Variants in ANO4 observed in about 807,000 individuals in gnomAD.
The protein encoded by ANO4 is anoctamin-4.
Under a neutral mutation model 141.9 loss-of-function variants are expected in ANO4, and 69 were observed. That is an observed-to-expected ratio of 0.49 (90% CI 0.40 to 0.59). The LOEUF is 0.59. Among genes scored for constraint, ANO4 ranks in the 20% least tolerant of loss-of-function variants. The pLI is 0.00. For synonymous variants in ANO4, 350 were observed against 394.3 expected (o/e 0.89, Z 1.33); for missense variants, 894 against 1,162.2 (o/e 0.77, Z 3.36).
At chr12:101,026,038 C>A (rs1355239607) in intron 9 of ANO4, among the ~76,000 whole-genome samples, 1 of 152,082 alleles carries the variant, frequency 6.6e-6, no homozygotes, top group Non-Finnish European at 1.5e-5. Context: ...TCTGCACTTG[C>A]CACTTGTATT....
intron 1 of ANO4, among the ~76,000 whole-genome samples, chr12:100,732,199 A>G (rs1407806824): frequency 6.6e-6 from 1 of 152,192 alleles, no homozygotes; most frequent in Non-Finnish European, 1.5e-5. Flanking sequence ...ACCATTTTGT[A>G]TTCTCACCAG....
chr12:101,127,374 C>G (rs1263082139), intron 27 of ANO4, among the ~76,000 whole-genome samples: 2 of 152,098 alleles, frequency 1.3e-5, no homozygotes, highest in Non-Finnish European at 2.9e-5. Context: ...CTCTCTTTTC[C>G]TCCAGCCGGG....
At chr12:100,789,732 G>C (rs2033981288) in intron 3 of ANO4, among the ~76,000 whole-genome samples, 2 of 152,180 alleles carry the variant, frequency 1.3e-5, no homozygotes, top group African/African-American at 4.8e-5. Context: ...TCATAAGCTT[G>C]TAGGCATGAA....
chr12:100,989,395 G>T (rs575913631), intron 8 of ANO4, among the ~76,000 whole-genome samples: 1 of 152,338 alleles, frequency 6.6e-6, no homozygotes, highest in East Asian at 1.9e-4. Context: ...ACAATGAGTT[G>T]TTTCCCTAAT....
chr12:100,881,650 A>G (rs1360281839), intron 1 of ANO4, among the ~76,000 whole-genome samples: 1 of 152,048 alleles, frequency 6.6e-6, no homozygotes, highest in Non-Finnish European at 1.5e-5. Context: ...ACTGTTCTCA[A>G]CCTCAGTTTC....
rs775445891 is a variant in ANO4, at chr12:101,083,826, A to C, written c.1536+8A>C. ...TCTGGAATATTTTTTATGGTTTGAA[A>C]CTTTTAAAAAAATATTTGTTTCATA... On this transcript the variant is annotated splice_region_variant and intron_variant, in intron 16 of 27. Transcript: ENST00000392977. 35 of 1,545,430 alleles carry C rather than the reference A, an allele frequency of 2.3e-5. No individual in the cohort carries two copies. The Admixed American group carries it at 8.2e-4, about 36-fold the overall frequency.
At chr12:100,880,552 A>G (rs987115092) in intron 1 of ANO4, among the ~76,000 whole-genome samples, 2 of 152,206 alleles carry the variant, frequency 1.3e-5, no homozygotes, top group African/African-American at 4.8e-5. Flanking sequence ...GTAATGCTCC[A>G]AAGTTAATTT....
chr12:101,069,040 G>C (rs1842887), intron 14 of ANO4: 1 of 829,314 alleles, frequency 1.2e-6, no homozygotes. Flanking sequence ...AGTTGGCTAA[G>C]GTACACTAGG....
intron 2 of ANO4, 59 bp from the exon 3 acceptor site, chr12:100,922,167 C>T: frequency 7.8e-7 from 1 of 1,280,224 alleles, no homozygotes; most frequent in Middle Eastern, 1.9e-4. Context: ...CCTTGGGACC[C>T]TAATGACAGA....
At chr12:101,074,045 G>A (rs2048930725) in intron 14 of ANO4, among the ~76,000 whole-genome samples, 1 of 152,142 alleles carries the variant, frequency 6.6e-6, no homozygotes, top group African/African-American at 2.4e-5. Context: ...TAAGATCTGT[G>A]AGGGAAATGG....
chr12:100,794,268 G>A (rs377728625), upstream of ANO4, among the ~76,000 whole-genome samples: 3 of 152,240 alleles, frequency 2.0e-5, no homozygotes, highest in South Asian at 6.2e-4. Context: ...CCCCTTGAAG[G>A]CACATCAGTA....
At chr12:101,122,711 T>A (rs1238007512) in intron 26 of ANO4, among the ~76,000 whole-genome samples, 1 of 152,194 alleles carries the variant, frequency 6.6e-6, no homozygotes, top group African/African-American at 2.4e-5. Flanking sequence ...ATTATTGCCA[T>A]CATCATTACC....
At chr12:100,830,875 AT>A (rs368330566) in intron 1 of ANO4, among the ~76,000 whole-genome samples, 18 of 152,150 alleles carry the variant, frequency 1.2e-4, no homozygotes, top group Middle Eastern at 3.4e-3. Context: ...AAAAGTGTGG[AT>A]TTTTTTAAGT....
intron 1 of ANO4, among the ~76,000 whole-genome samples, chr12:100,884,652 G>A (rs2039738643): frequency 6.6e-6 from 1 of 152,170 alleles, no homozygotes; most frequent in Admixed American, 6.5e-5. Flanking sequence ...TAGCTGGGCT[G>A]TGTTCCTTCT....
At chr12:100,967,134 AC>A (rs1392757046) in intron 5 of ANO4, among the ~76,000 whole-genome samples, 1 of 151,916 alleles carries the variant, frequency 6.6e-6, no homozygotes, top group African/African-American at 2.4e-5. Flanking sequence ...TTCCCATGAT[AC>A]TCGTTAATTT....
chr12:100,929,488 T>A (rs1026255014), intron 3 of ANO4, among the ~76,000 whole-genome samples: 2 of 152,186 alleles, frequency 1.3e-5, no homozygotes, highest in Admixed American at 1.3e-4. Flanking sequence ...TGTGTATATG[T>A]ACCACCATTT....
intron 1 of ANO4, among the ~76,000 whole-genome samples, chr12:100,894,151 T>C (rs571981694): frequency 1.4e-4 from 21 of 152,260 alleles, no homozygotes; most frequent in African/African-American, 5.1e-4. Flanking sequence ...GACAGCACCT[T>C]GGCAGAAAGT....
At chr12:100,731,913 G>C (rs78505760) in intron 1 of ANO4, among the ~76,000 whole-genome samples, 7,989 of 152,172 alleles carry the variant, frequency 0.052, 280 homozygotes, top group Middle Eastern at 0.082. Context: ...GGTCATCTTG[G>C]TTGCTTCCAA....
chr12:101,095,343 T>C (rs2049939626), intron 18 of ANO4, among the ~76,000 whole-genome samples: 1 of 152,204 alleles, frequency 6.6e-6, no homozygotes, highest in Non-Finnish European at 1.5e-5. Context: ...GTAGACAATG[T>C]ACCCTGTGGT....
Sources: allele counts gnomAD v4.1 joint callset (sites outside exome capture counted in the v4.1 genomes callset), GRCh38; gene constraint gnomAD v4.1.1; transcripts MANE v1.5; gene names NCBI Gene and HGNC (gene_info 2026-07-23, HGNC 2026-07-21).